KLHL1: variants seen among roughly 807,000 people sequenced by gnomAD.
KLHL1 encodes the protein kelch like family member 1.
A neutral mutation model predicts 77.7 loss-of-function variants in KLHL1; 47 were observed. The ratio of observed to expected loss-of-function variants is 0.60; its 90% CI spans 0.48 to 0.77. The LOEUF is 0.77. Among genes scored for constraint, KLHL1 ranks in the 30% least tolerant of loss-of-function variants. The pLI is 0.00. For missense variants in KLHL1, 925 were observed against 910.8 expected (o/e 1.02, Z -0.20); for synonymous variants, 360 against 325.2 (o/e 1.11, Z -1.15).
chr13:69,942,523 ATATT>A (rs1165366309), intron 3 of KLHL1, among the ~76,000 whole-genome samples: 1 of 152,082 alleles, frequency 6.6e-6, no homozygotes. Flanking sequence ...TTTGGACAGA[ATATT>A]TATTAAGAAA....
chr13:70,096,663 A>G (rs1392215667), intron 1 of KLHL1, among the ~76,000 whole-genome samples: 2 of 151,410 alleles, frequency 1.3e-5, no homozygotes, highest in Non-Finnish European at 3.0e-5. Flanking sequence ...TTTTAAAGAA[A>G]TCTTAGCAAT....
intron 1 of KLHL1, among the ~76,000 whole-genome samples, chr13:70,046,824 ATACCTTAC>A (rs1886510761): frequency 6.6e-6 from 1 of 152,032 alleles, no homozygotes; most frequent in African/African-American, 2.4e-5. Context: ...TTATGTGTTT[ATACCTTAC>A]CCCACCAAGT....
intron 9 of KLHL1, among the ~76,000 whole-genome samples, chr13:69,713,294 T>C (rs1875963840): frequency 6.6e-6 from 1 of 152,202 alleles, no homozygotes; most frequent in African/African-American, 2.4e-5. Flanking sequence ...TTTCTTTTTA[T>C]GCCTAACACT....
chr13:69,850,533 C>T (rs897347339), intron 5 of KLHL1, among the ~76,000 whole-genome samples: 19 of 151,560 alleles, frequency 1.3e-4, no homozygotes, highest in East Asian at 3.9e-4. Context: ...AAACTGTCTA[C>T]GACCCTTCCA....
intron 3 of KLHL1, among the ~76,000 whole-genome samples, chr13:69,951,021 T>A (rs60610351): frequency 0.14 from 20,967 of 151,622 alleles, 2,379 homozygotes; most frequent in African/African-American, 0.29. Flanking sequence ...TTTTAATATA[T>A]CAACACCTGT....
intron 8 of KLHL1, among the ~76,000 whole-genome samples, chr13:69,733,829 T>A (rs745560051): frequency 2.6e-5 from 4 of 152,146 alleles, no homozygotes; most frequent in Non-Finnish European, 5.9e-5. Context: ...AGCCTAGTAA[T>A]TTAAGTTCTA....
intron 2 of KLHL1, among the ~76,000 whole-genome samples, chr13:69,962,815 T>A (rs892558064): frequency 6.6e-6 from 1 of 152,110 alleles, no homozygotes; most frequent in African/African-American, 2.4e-5. Context: ...GAGCTACAAC[T>A]CTTTAATTTT....
At chr13:70,080,363 G>A (rs1340116935) in intron 1 of KLHL1, among the ~76,000 whole-genome samples, 2 of 152,094 alleles carry the variant, frequency 1.3e-5, no homozygotes, top group Non-Finnish European at 2.9e-5. Flanking sequence ...GCAGAAAAAT[G>A]TATGATAATT....
intron 1 of KLHL1, among the ~76,000 whole-genome samples, chr13:70,101,952 A>AAG (rs1173105970): frequency 7.0e-6 from 1 of 142,386 alleles, no homozygotes. Flanking sequence ...TAAAGTAGCA[A>AAG]AAAAAAAAAA....
At chr13:69,719,183 C>CGTGTGTGTGTGTGTGT (rs761517378) in intron 9 of KLHL1, among the ~76,000 whole-genome samples, 186 bp downstream of exon 9, 56 of 103,848 alleles carry the variant, frequency 5.4e-4, no homozygotes, top group Admixed American at 1.3e-3. Flanking sequence ...AAAGAAAGTA[C>CGTGTGTGTGTGTGTGT]GTGTGTGTGT....
intron 8 of KLHL1, among the ~76,000 whole-genome samples, chr13:69,737,266 C>T (rs78593347): frequency 3.9e-5 from 6 of 152,288 alleles, no homozygotes; most frequent in Non-Finnish European, 5.9e-5. Context: ...GGTGGCTGCT[C>T]GGGCAGGCAG....
At chr13:69,893,321 G>A (rs1395168235) in intron 4 of KLHL1, among the ~76,000 whole-genome samples, 1 of 148,828 alleles carries the variant, frequency 6.7e-6, no homozygotes, top group East Asian at 2.0e-4. Flanking sequence ...TGCAAGCTCC[G>A]CTTCCCGGGT....
chr13:70,104,026 T>C (rs774127212), intron 1 of KLHL1, among the ~76,000 whole-genome samples: 8 of 152,178 alleles, frequency 5.3e-5, no homozygotes, highest in Non-Finnish European at 1.5e-5. Context: ...AGTTAAAACA[T>C]GACATGTCTT....
intron 9 of KLHL1, among the ~76,000 whole-genome samples, chr13:69,710,819 T>C (rs1416762732): frequency 6.6e-6 from 1 of 151,988 alleles, no homozygotes; most frequent in Non-Finnish European, 1.5e-5. Flanking sequence ...TGTTTGTTTG[T>C]TTTTTTAATA....
At chr13:69,973,867 C>G (rs573776660) in intron 2 of KLHL1, among the ~76,000 whole-genome samples, 3 of 152,128 alleles carry the variant, frequency 2.0e-5, no homozygotes, top group Admixed American at 6.6e-5. Flanking sequence ...GCTGAGACAT[C>G]TCCAGGTTTT....
At chr13:70,044,554 A>C (rs889037853) in intron 1 of KLHL1, among the ~76,000 whole-genome samples, 2 of 152,230 alleles carry the variant, frequency 1.3e-5, no homozygotes, top group Admixed American at 1.3e-4. Context: ...AATTTCTTTT[A>C]AAATACCCTA....
intron 6 of KLHL1, among the ~76,000 whole-genome samples, chr13:69,833,782 T>C (rs1056089091): frequency 4.7e-5 from 7 of 149,196 alleles, no homozygotes; most frequent in African/African-American, 1.8e-4. Flanking sequence ...CATACATACA[T>C]ATATACTTGT....
chr13:69,884,461 A>C (rs1487502425), intron 4 of KLHL1, among the ~76,000 whole-genome samples: 2 of 151,954 alleles, frequency 1.3e-5, no homozygotes, highest in East Asian at 3.9e-4. Flanking sequence ...GTGAAGCTAA[A>C]GATGTTCTGA....
chr13:69,948,170 C>T (rs770129139), intron 3 of KLHL1, among the ~76,000 whole-genome samples: 7 of 152,060 alleles, frequency 4.6e-5, no homozygotes, highest in African/African-American at 1.4e-4. Context: ...ATTAATGAGA[C>T]GGTCAACACA....
Sources: gnomAD v4.1 joint callset for allele counts (sites outside exome capture counted in the v4.1 genomes callset) on GRCh38, gnomAD v4.1.1 for gene constraint, MANE v1.5 for transcripts, NCBI Gene and HGNC (gene_info 2026-07-23, HGNC 2026-07-21) for gene names.